The following SNED1 variants were observed in gnomAD, a reference collection of about 807,000 sequenced individuals.
The protein encoded by SNED1 is sushi, nidogen and EGF like domains 1, also known as sushi, nidogen and EGF-like domain-containing protein 1.
SNED1 carries 81 observed loss-of-function variants against 166.7 expected under a neutral mutation model. The observed-to-expected ratio is 0.49, with a 90% CI of 0.41 to 0.58. The LOEUF (loss-of-function observed/expected upper bound fraction) is 0.58. Ranked by LOEUF, SNED1 falls within the 20% of genes least tolerant of loss-of-function variation. The probability of loss-of-function intolerance (pLI) is 0.00; values close to 1 mark genes in which losing one functional copy is unlikely to be tolerated. For synonymous variants in SNED1, 762 were observed against 822.0 expected (o/e 0.93, Z 1.25); for missense variants, 1,604 against 2,000.2 (o/e 0.80, Z 3.78).
rs935927304 is a variant in SNED1 at position 241,076,935 on chromosome 2, T to C, written c.3916+3571T>C. On this transcript the variant is annotated intron_variant, in intron 27 of 31. Transcript: ENST00000310397. ...TCTACTAAAAATACAAAAAATTAGC[T>C]GGGCATGGTGGCGGGCGCCTGTGGT... Among the ~76,000 whole-genome samples, 4 of 152,060 alleles carry C rather than the reference T, an allele frequency of 2.6e-5. No homozygotes were observed. In the South Asian group the frequency reaches 6.2e-4, roughly 24 times the overall value.
At chr2:241,077,003 C>G (rs112966382) in intron 27 of SNED1, among the ~76,000 whole-genome samples, 1 of 151,198 alleles carries the variant, frequency 6.6e-6, no homozygotes, top group African/African-American at 2.4e-5. Flanking sequence ...GGCGTGAACC[C>G]GGGAGGTGGA....
At chr2:241,038,809 G>A (rs1443578622) in intron 6 of SNED1, among the ~76,000 whole-genome samples, 6 of 152,220 alleles carry the variant, frequency 3.9e-5, no homozygotes, top group Admixed American at 1.3e-4. Flanking sequence ...CTCCCTGTGC[G>A]GTGCTGGCCA....
Position 240,998,751 on chromosome 2 carries a change from C to T in SNED1, c.-87C>T. 1.5e-5 allele frequency: 8 copies of T among 547,704 alleles called. No individual in the cohort carries two copies. The highest frequency in any genetic ancestry group is 1.9e-5 in the Non-Finnish European group (8 of 428,838). 33.9% of individuals were successfully genotyped at this position (547,704 alleles called of 1,614,324 possible). ...GCGCGCCCGCGCTCCCCGCACCCCG[C>T]CTGGCCCTGCCGGCCACCCCCGCGC... On this transcript the variant is annotated 5_prime_UTR_variant, in exon 1 of 32. Transcript: ENST00000310397.
chr2:241,015,120 GGCTTA>G (rs1209887077), intron 1 of SNED1, among the ~76,000 whole-genome samples: 3 of 152,146 alleles, frequency 2.0e-5, no homozygotes, highest in African/African-American at 7.2e-5. Context: ...ATGTAGAATT[GGCTTA>G]TCAAGTTACA....
chr2:241,006,672 A>C (rs1268400050), intron 1 of SNED1, among the ~76,000 whole-genome samples: 1 of 152,150 alleles, frequency 6.6e-6, no homozygotes, highest in Non-Finnish European at 1.5e-5. Context: ...AGACATGGGT[A>C]TATACATCTG....
chr2:241,050,271 CA>C (rs1253071332), intron 12 of SNED1, among the ~76,000 whole-genome samples: 1 of 152,210 alleles, frequency 6.6e-6, no homozygotes, highest in African/African-American at 2.4e-5. Flanking sequence ...TCTAATTCAG[CA>C]TGGAAAATGT....
Position 241,051,738 on chromosome 2 carries a change from A to G in SNED1, c.1736-6A>G, listed in dbSNP as rs2061849067. The G allele has an allele frequency of 1.4e-6, 2 of 1,478,580 alleles. No homozygotes were observed. The highest frequency in any genetic ancestry group is 1.8e-6 in the Non-Finnish European group (2 of 1,113,530). The allele number at this position is 1,478,580 out of a possible 1,614,324, so 91.6% of individuals were successfully genotyped here. On this transcript the variant is annotated splice_region_variant and splice_polypyrimidine_tract_variant and intron_variant, in intron 12 of 31. Transcript: ENST00000310397. This position sits in a 1 kb window ranked among gnomAD's most constrained non-coding sequence, Gnocchi z 4.7. ...CGTTCATCTGCCTCTCTGTCCTTCC[A>G]CACAGCCCGGCCACACCTGTGCAGC...
intron 16 of SNED1, among the ~76,000 whole-genome samples, chr2:241,059,076 A>G (rs895865521): frequency 1.3e-5 from 2 of 152,264 alleles, no homozygotes; most frequent in Non-Finnish European, 2.9e-5. Flanking sequence ...TCCTTTAAAC[A>G]TTAAAGATCC....
At chr2:241,086,037 T>A (rs2063558427) in intron 29 of SNED1, among the ~76,000 whole-genome samples, 1 of 151,968 alleles carries the variant, frequency 6.6e-6, no homozygotes, top group Non-Finnish European at 1.5e-5. Context: ...CCAGCTAATT[T>A]TTGTATTTTA....
chr2:241,086,183 T>G (rs138122131), intron 29 of SNED1, among the ~76,000 whole-genome samples: 14 of 152,312 alleles, frequency 9.2e-5, no homozygotes, highest in Admixed American at 8.5e-4. Context: ...GGGGTTTCTA[T>G]GGATGGCCTA....
rs747902345 is a variant in SNED1, at chr2:241,090,045, C to G, written c.*2-1593C>G. The G allele has an allele frequency of 6.5e-6, 10 of 1,541,344 alleles. No individual in the cohort carries two copies. In the South Asian group the frequency reaches 1.2e-4, roughly 19 times the overall value. On this transcript the variant is annotated intron_variant, in intron 31 of 31. Transcript: ENST00000310397. ...GCAGTTGCACAATAATAAATTAGTCCTGCAATAAGAAATTAACCTTAGCTT... is the reference window on the plus strand; with the variant it reads ...GCAGTTGCACAATAATAAATTAGTCGTGCAATAAGAAATTAACCTTAGCTT...
chr2:241,045,056 A>G (rs1416797781), intron 8 of SNED1, among the ~76,000 whole-genome samples: 1 of 152,250 alleles, frequency 6.6e-6, no homozygotes, highest in Non-Finnish European at 1.5e-5. Context: ...AATACCATTT[A>G]TAATAGCTCC....
At chr2:241,063,088 C>T (rs2125178839) in intron 17 of SNED1, among the ~76,000 whole-genome samples, 184 bp downstream of exon 17, 1 of 152,354 alleles carries the variant, frequency 6.6e-6, no homozygotes, top group East Asian at 1.9e-4. Context: ...CCTGCACCTC[C>T]CCAGGGGAGA....
chr2:241,023,200 C>T (rs2060821561), intron 1 of SNED1, among the ~76,000 whole-genome samples: 1 of 151,982 alleles, frequency 6.6e-6, no homozygotes, highest in Non-Finnish European at 1.5e-5. Flanking sequence ...TATATAGATA[C>T]TAAAATATGC....
intron 31 of SNED1, 43 bp downstream of exon 31, chr2:241,088,445 G>T: frequency 2.0e-6 from 3 of 1,536,808 alleles, no homozygotes; most frequent in Non-Finnish European, 2.7e-6. Flanking sequence ...AGAGCTGCTG[G>T]GAAGTGGGGG....
chr2:241,024,412 A>AT (rs1283312036), intron 1 of SNED1, among the ~76,000 whole-genome samples: 2 of 147,582 alleles, frequency 1.4e-5, no homozygotes, highest in African/African-American at 5.0e-5. Flanking sequence ...CACCCAGCTA[A>AT]TTTTTTTTGT....
chr2:241,023,333 C>T (rs1220697285), intron 1 of SNED1, among the ~76,000 whole-genome samples: 4 of 151,814 alleles, frequency 2.6e-5, no homozygotes, highest in Non-Finnish European at 5.9e-5. Context: ...CTTTTTGCCT[C>T]CATTTCCTGG....
At chr2:241,067,658 C>T (rs2062516773) in intron 21 of SNED1, 106 bp from the exon 22 acceptor site, 1 of 891,670 alleles carries the variant, frequency 1.1e-6, no homozygotes, top group African/African-American at 1.7e-5. Flanking sequence ...TCCAGTGCCT[C>T]TCTGTGGCCC....
chr2:241,034,386 G>A (rs776367833), intron 3 of SNED1, among the ~76,000 whole-genome samples, 182 bp from the exon 4 acceptor site: 24 of 152,300 alleles, frequency 1.6e-4, no homozygotes, highest in Admixed American at 6.5e-4. Context: ...GTGAGCTGCC[G>A]GAGGACTGGG....
Sources: allele counts gnomAD v4.1 joint callset (sites outside exome capture counted in the v4.1 genomes callset), GRCh38; gene constraint gnomAD v4.1.1; non-coding constraint Gnocchi (gnomAD v3.1); transcripts MANE v1.5; gene names NCBI Gene and HGNC (gene_info 2026-07-23, HGNC 2026-07-21).